The following COL4A5 variants were observed in gnomAD, a reference collection of about 807,000 sequenced individuals.
COL4A5 encodes collagen type IV alpha 5 chain.
A neutral mutation model predicts 130.2 loss-of-function variants in COL4A5; 26 were observed. That is an observed-to-expected ratio of 0.20 (90% CI 0.15 to 0.28). The LOEUF (loss-of-function observed/expected upper bound fraction) is 0.28, where lower values mean the gene tolerates loss of function less well. Ranked by LOEUF, COL4A5 falls within the 10% of genes least tolerant of loss-of-function variation. The probability of loss-of-function intolerance (pLI) is 1.00; values close to 1 mark genes in which losing one functional copy is unlikely to be tolerated. For missense variants in COL4A5, 1,131 were observed against 1,344.3 expected, an observed-to-expected ratio of 0.84 and a Z score of 2.48; for synonymous variants, 496 against 439.6, an observed-to-expected ratio of 1.13 and a Z score of -1.60.
intron 1 of COL4A5, among the ~76,000 whole-genome samples, chrX:108,447,117 G>A (rs1294467113): frequency 9.0e-6 from 1 of 110,538 alleles, no homozygotes; most frequent in Admixed American, 9.7e-5. Context: ...AGCCCCTTCT[G>A]ACCACTTTCC....
At chrX:108,650,251 A>G (rs1038963925) in intron 36 of COL4A5, among the ~76,000 whole-genome samples, 2 of 106,660 alleles carry the variant, frequency 1.9e-5, no homozygotes, top group African/African-American at 7.6e-5. Flanking sequence ...AATAATGGCC[A>G]TAATCAAAAG....
At chrX:108,543,927 A>G (rs2065595947) in intron 2 of COL4A5, among the ~76,000 whole-genome samples, 1 of 111,720 alleles carries the variant, frequency 9.0e-6, no homozygotes, top group South Asian at 3.8e-4. Flanking sequence ...ACTGGTGTAT[A>G]AGAAGGCTTG....
intron 1 of COL4A5, among the ~76,000 whole-genome samples, chrX:108,444,243 G>C (rs535306216): frequency 9.6e-6 from 1 of 104,355 alleles, no homozygotes; most frequent in African/African-American, 3.5e-5. Flanking sequence ...TTGAGATGGA[G>C]TCTTGCTCTG....
In COL4A5 at chrX:108,632,837, A is replaced by G. The variant is rs2067288646; in HGVS notation, c.3246+6488A>G. ...TATTGATGGAACGTATCTCAAAATA[A>G]TAAGAGCTATTTATGACAAACCCAC... is the stretch of plus-strand genomic sequence containing the variant. On this transcript the variant is annotated intron_variant, in intron 36 of 52. Transcript: ENST00000328300. Among the ~76,000 whole-genome samples, 3 of 111,727 alleles carry G rather than the reference A, an allele frequency of 2.7e-5. No homozygotes were observed. The South Asian group carries it at 1.1e-3, about 42-fold the overall frequency.
At chrX:108,572,596 T>C (rs1220580411) in intron 8 of COL4A5, among the ~76,000 whole-genome samples, 4 of 111,639 alleles carry the variant, frequency 3.6e-5, no homozygotes, top group African/African-American at 1.3e-4. Flanking sequence ...CTTAAATTCA[T>C]CCACTTTTCT....
chrX:108,588,359 A>G (rs1000605040), intron 19 of COL4A5, among the ~76,000 whole-genome samples: 17 of 111,654 alleles, frequency 1.5e-4, no homozygotes, highest in African/African-American at 5.2e-4. Flanking sequence ...TATGCTCTAA[A>G]TGCAAACTTC....
intron 1 of COL4A5, among the ~76,000 whole-genome samples, chrX:108,489,651 T>C (rs2064977780): frequency 8.9e-6 from 1 of 112,270 alleles, no homozygotes. Context: ...ACTCCTGTAA[T>C]AATATCAGTG....
intron 13 of COL4A5, among the ~76,000 whole-genome samples, chrX:108,579,408 A>T (rs984959224): frequency 8.9e-6 from 1 of 112,241 alleles, no homozygotes; most frequent in Non-Finnish European, 1.9e-5. Flanking sequence ...CATTTTGTTT[A>T]TCCATTTATT....
chrX:108,567,287 A>G (rs746443641), intron 4 of COL4A5, among the ~76,000 whole-genome samples: 1 of 111,801 alleles, frequency 8.9e-6, no homozygotes, highest in Non-Finnish European at 1.9e-5. Flanking sequence ...ACAACTTGAA[A>G]CAGACGTACA....
intron 30 of COL4A5, among the ~76,000 whole-genome samples, chrX:108,615,755 C>G (rs746466531): frequency 3.6e-5 from 4 of 111,184 alleles, no homozygotes; most frequent in Non-Finnish European, 7.5e-5. Flanking sequence ...TTGGGGCCAT[C>G]ATTATGTTAT....
At chrX:108,658,530 C>G (rs2067890669) in intron 37 of COL4A5, among the ~76,000 whole-genome samples, 1 of 111,073 alleles carries the variant, frequency 9.0e-6, no homozygotes, top group African/African-American at 3.3e-5. Flanking sequence ...GTTAAGGAAT[C>G]TGGATCTGTA....
At chrX:108,473,603 ATATATATATG>A (rs1472354001) in intron 1 of COL4A5, among the ~76,000 whole-genome samples, 6 of 59,479 alleles carry the variant, frequency 1.0e-4, no homozygotes, top group East Asian at 3.7e-4. Flanking sequence ...TTTTATATAT[ATATATATATG>A]TATATATATA....
Position 108,665,576 on chromosome X carries a change from C to T in COL4A5, c.3443C>T (p.Pro1148Leu). 3 of 1,195,234 alleles carry T rather than the reference C, an allele frequency of 2.5e-6. No individual in the cohort carries two copies. Among genetic ancestry groups the T allele is most frequent in the Non-Finnish European group, 3.4e-6 (3 of 881,198 alleles). Residue 1148 changes from proline (P) to leucine (L), a missense_variant, in exon 38 of 53, where the codon CCT (proline) becomes CTT (leucine). Transcript: ENST00000328300. ...PPGNPGLPGEPGPVGGGGHPG... is the reference protein window; with the variant it reads ...PPGNPGLPGELGPVGGGGHPG... ...GGGAACCCCGGCCTTCCAGGAGAAC[C>T]TGGTCCTGTAGGTAAGCATGAAAAA...
chrX:108,619,181 A>G (rs1442739136), intron 30 of COL4A5, among the ~76,000 whole-genome samples: 10 of 111,747 alleles, frequency 8.9e-5, no homozygotes, highest in Admixed American at 2.9e-4. Context: ...TAATTCTCTA[A>G]TCTTCAAAGT....
At chrX:108,595,242 CT>C (rs1404039810) in intron 21 of COL4A5, among the ~76,000 whole-genome samples, 36 of 111,669 alleles carry the variant, frequency 3.2e-4, no homozygotes, top group African/African-American at 1.2e-3. Flanking sequence ...TCCCTTTCCC[CT>C]GGTAGAGTGT....
chrX:108,561,053 C>G (rs2065892579), intron 3 of COL4A5, among the ~76,000 whole-genome samples: 1 of 111,570 alleles, frequency 9.0e-6, no homozygotes, highest in Admixed American at 9.5e-5. Context: ...TCAATTGTTG[C>G]AATCTGTCAG....
At chrX:108,686,611 C>T (rs763485918) in intron 48 of COL4A5, among the ~76,000 whole-genome samples, 17 of 111,643 alleles carry the variant, frequency 1.5e-4, no homozygotes, top group Non-Finnish European at 2.6e-4. Context: ...ATAGGTGCTC[C>T]TGATAATATT....
chrX:108,461,776 G>A (rs2064655787), intron 1 of COL4A5, among the ~76,000 whole-genome samples: 2 of 110,964 alleles, frequency 1.8e-5, no homozygotes, highest in South Asian at 3.8e-4. Flanking sequence ...TGTATCTTTA[G>A]TAGAGACAGG....
chrX:108,581,120 G>A, intron 16 of COL4A5, 93 bp downstream of exon 16: 1 of 733,307 alleles, frequency 1.4e-6, no homozygotes, highest in Middle Eastern at 2.9e-4. Context: ...GACAAAAATT[G>A]TGGGGTCTGG....
Sources: gnomAD v4.1 joint callset for allele counts (sites outside exome capture counted in the v4.1 genomes callset) on GRCh38, gnomAD v4.1.1 for gene constraint, MANE v1.5 for transcripts, NCBI Gene and HGNC (gene_info 2026-07-23, HGNC 2026-07-21) for gene names.